Variants in RBMS3 observed in about 807,000 individuals in gnomAD.
RBMS3 encodes RNA-binding motif, single-stranded-interacting protein 3.
RBMS3 carries 27 observed loss-of-function variants against 66.8 expected under a neutral mutation model. That is an observed-to-expected ratio of 0.40 (90% confidence interval 0.30 to 0.56). The LOEUF is 0.56. Ranked by LOEUF, RBMS3 falls within the 20% of genes least tolerant of loss-of-function variation. The pLI is 0.40. For synonymous variants in RBMS3, 188 were observed against 183.0 expected (o/e 1.03, Z -0.22); for missense variants, 513 against 549.5 (o/e 0.93, Z 0.66).
intron 6 of RBMS3, among the ~76,000 whole-genome samples, chr3:29,783,229 C>T (rs913949070): frequency 6.6e-6 from 1 of 152,118 alleles, no homozygotes; most frequent in African/African-American, 2.4e-5. Flanking sequence ...AAAAGATCAT[C>T]ACCTAGGCAC....
intron 3 of RBMS3, among the ~76,000 whole-genome samples, chr3:29,545,653 C>A (rs2045923833): frequency 6.6e-6 from 1 of 152,202 alleles, no homozygotes; most frequent in South Asian, 2.1e-4. Context: ...AGGCTCCTCT[C>A]AGTTTGTCTT....
chr3:29,538,688 C>A (rs766890490), intron 3 of RBMS3, among the ~76,000 whole-genome samples: 1 of 152,148 alleles, frequency 6.6e-6, no homozygotes, highest in African/African-American at 2.4e-5. Flanking sequence ...CATCATATTA[C>A]AAAGAGAGGA....
At chr3:29,679,915 G>A (rs2051418235) in intron 4 of RBMS3, among the ~76,000 whole-genome samples, 1 of 143,528 alleles carries the variant, frequency 7.0e-6, no homozygotes, top group African/African-American at 3.0e-5. Context: ...TGCCTGTCTA[G>A]CTGCCCTTAA....
intron 2 of RBMS3, among the ~76,000 whole-genome samples, chr3:29,481,421 T>C (rs1366554200): frequency 5.9e-5 from 9 of 152,114 alleles, no homozygotes; most frequent in Admixed American, 4.6e-4. Context: ...CATGAACAAA[T>C]GAGAAGTTGA....
At chr3:29,397,335 A>C (rs1463376107) in intron 1 of RBMS3, among the ~76,000 whole-genome samples, 1 of 152,150 alleles carries the variant, frequency 6.6e-6, no homozygotes, top group Non-Finnish European at 1.5e-5. Context: ...TCTATGATTG[A>C]ATTTATTCAG....
chr3:29,511,959 C>T (rs978307841), intron 3 of RBMS3, among the ~76,000 whole-genome samples: 2 of 152,054 alleles, frequency 1.3e-5, no homozygotes, highest in African/African-American at 4.8e-5. Context: ...CAAGCGTTCC[C>T]AGTAACATTT....
intron 2 of RBMS3, among the ~76,000 whole-genome samples, chr3:29,466,350 T>C (rs2042541454): frequency 6.6e-6 from 1 of 152,148 alleles, no homozygotes; most frequent in Non-Finnish European, 1.5e-5. Flanking sequence ...GTCTTTCAAG[T>C]GCCCTCACAG....
chr3:29,422,656 TA>T (rs1337808897), intron 1 of RBMS3, among the ~76,000 whole-genome samples: 2 of 152,192 alleles, frequency 1.3e-5, no homozygotes, highest in African/African-American at 2.4e-5. Flanking sequence ...TATCATGAGG[TA>T]TTTTTTTCTT....
chr3:29,883,979 G>T (rs2149578943), intron 7 of RBMS3, among the ~76,000 whole-genome samples, 183 bp from the exon 8 acceptor site: 1 of 152,072 alleles, frequency 6.6e-6, no homozygotes, highest in Middle Eastern at 3.4e-3. Context: ...CAACTCACTG[G>T]TATATTCTGG....
intron 4 of RBMS3, among the ~76,000 whole-genome samples, chr3:29,636,794 A>T (rs916123315): frequency 1.3e-5 from 2 of 151,898 alleles, no homozygotes; most frequent in African/African-American, 4.8e-5. Context: ...CGGTTTTCCA[A>T]ATAGGTATAT....
intron 14 of RBMS3, among the ~76,000 whole-genome samples, chr3:29,998,521 C>T (rs1287958346): frequency 1.3e-5 from 2 of 152,178 alleles, no homozygotes; most frequent in Admixed American, 6.5e-5. Flanking sequence ...AACTATACTA[C>T]AAGGTTACAG....
At chr3:29,608,944 T>C (rs1272997077) in intron 4 of RBMS3, among the ~76,000 whole-genome samples, 1 of 151,980 alleles carries the variant, frequency 6.6e-6, no homozygotes. Flanking sequence ...GTATTCCTTA[T>C]AAATTTCATT....
At chr3:29,569,483 A>C (rs1212258069) in intron 3 of RBMS3, among the ~76,000 whole-genome samples, 1 of 152,208 alleles carries the variant, frequency 6.6e-6, no homozygotes, top group African/African-American at 2.4e-5. Flanking sequence ...TGGTACAATT[A>C]CATGACTATT....
At chr3:29,331,975 G>A (rs1478542920) in intron 1 of RBMS3, among the ~76,000 whole-genome samples, 9 of 151,888 alleles carry the variant, frequency 5.9e-5, no homozygotes, top group Non-Finnish European at 1.0e-4. Context: ...AACTCTTTGG[G>A]GGAGTATCTG....
rs192454286 is a variant in RBMS3, at chr3:29,605,619, G to A, written c.399+18414G>A. On this transcript the variant is annotated intron_variant, in intron 4 of 14. Transcript: ENST00000383767. Reference sequence around the variant, plus strand: ...AGAAAAAGTAGAAATGGAAGATAATGTAATATTATTTCATAAGTTGATGAA... The same window carrying A: ...AGAAAAAGTAGAAATGGAAGATAATATAATATTATTTCATAAGTTGATGAA... 6.9e-4 allele frequency among the ~76,000 whole-genome samples: 105 copies of A among 151,994 alleles called. 1 individual carries two copies. In the East Asian group the frequency reaches 0.013, roughly 19 times the overall value.
At chr3:29,833,239 T>C (rs1348097453) in intron 6 of RBMS3, among the ~76,000 whole-genome samples, 1 of 152,178 alleles carries the variant, frequency 6.6e-6, no homozygotes, top group Non-Finnish European at 1.5e-5. Flanking sequence ...TACAGTAATG[T>C]AAGACTTCAA....
At chr3:29,568,328 A>G (rs1049318661) in intron 3 of RBMS3, among the ~76,000 whole-genome samples, 29 of 152,208 alleles carry the variant, frequency 1.9e-4, no homozygotes, top group African/African-American at 5.3e-4. Context: ...ATTTTTAAAT[A>G]TTCATTTTGT....
At chr3:29,347,924 A>C (rs139391838) in intron 1 of RBMS3, among the ~76,000 whole-genome samples, 58 of 152,316 alleles carry the variant, frequency 3.8e-4, no homozygotes, top group African/African-American at 1.2e-3. Flanking sequence ...ACATTAATAT[A>C]CTCAATAAAG....
At chr3:29,733,461 A>G (rs913503645) in intron 4 of RBMS3, among the ~76,000 whole-genome samples, 1 of 151,720 alleles carries the variant, frequency 6.6e-6, no homozygotes, top group African/African-American at 2.4e-5. Flanking sequence ...CATAATGGCT[A>G]TACTAATTTA....
Sources: allele counts gnomAD v4.1 joint callset (sites outside exome capture counted in the v4.1 genomes callset), GRCh38; gene constraint gnomAD v4.1.1; transcripts MANE v1.5; gene names NCBI Gene and HGNC (gene_info 2026-07-23, HGNC 2026-07-21).